TBC1D2: variants seen among roughly 807,000 people sequenced by gnomAD.
TBC1D2 encodes the protein TBC1 domain family member 2A.
A neutral mutation model predicts 91.1 loss-of-function variants in TBC1D2; 58 were observed. The ratio of observed to expected loss-of-function variants is 0.64; its 90% CI spans 0.52 to 0.79. The LOEUF (loss-of-function observed/expected upper bound fraction) is 0.79, where lower values mean the gene tolerates loss of function less well. Among genes scored for constraint, TBC1D2 ranks in the 30% least tolerant of loss-of-function variants. The probability of loss-of-function intolerance (pLI) is 0.00; values close to 1 mark genes in which losing one functional copy is unlikely to be tolerated. For synonymous variants in TBC1D2, 482 were observed against 511.5 expected, an observed-to-expected ratio of 0.94 and a Z score of 0.78; for missense variants, 1,080 against 1,208.3, an observed-to-expected ratio of 0.89 and a Z score of 1.57.
At chr9:98,253,962 T>G (rs1331094029) in intron 1 of TBC1D2, among the ~76,000 whole-genome samples, 1 of 152,216 alleles carries the variant, frequency 6.6e-6, no homozygotes, top group Non-Finnish European at 1.5e-5. Flanking sequence ...TTGAAGACCC[T>G]GCATACAGCA....
chr9:98,248,072 T>C (rs1829802699), intron 2 of TBC1D2, among the ~76,000 whole-genome samples: 1 of 152,104 alleles, frequency 6.6e-6, no homozygotes. Context: ...CTCAGAGAGG[T>C]TGAGTTTTGT....
chr9:98,245,049 G>A (rs1374446293), intron 2 of TBC1D2, among the ~76,000 whole-genome samples: 1 of 151,574 alleles, frequency 6.6e-6, no homozygotes, highest in South Asian at 2.1e-4. Context: ...GACTGTCCTG[G>A]CTAACACGGT....
rs769767410 is a variant in TBC1D2 at position 98,201,537 on chromosome 9, C to A, written c.2399G>T (p.Ser800Ile). Reference sequence around the variant, plus strand: ...CCGAAGGAGGATGTTGCTAATGAGACTGTCCGCAAAGACCACGAGGAACCA... The same window carrying A: ...CCGAAGGAGGATGTTGCTAATGAGAATGTCCGCAAAGACCACGAGGAACCA... ...FNWFLVVFAD[S>I]LISNILLRVW... The change falls in exon 11 of 13, where the codon AGT becomes ATT. Residue 800 changes from serine (S) to isoleucine (I), a missense_variant. Transcript: ENST00000465784. 1.2e-6 allele frequency: 2 copies of A among 1,614,060 alleles called. No homozygotes were observed. Among genetic ancestry groups the A allele is most frequent in the African/African-American group, 2.7e-5 (2 of 74,934 alleles).
rs548896505 is a variant in TBC1D2, at chr9:98,244,133, G to C, written c.512-4C>G. On this transcript the variant is annotated splice_region_variant and splice_polypyrimidine_tract_variant and intron_variant, in intron 2 of 12. Coordinates refer to ENST00000465784, the MANE Select transcript of TBC1D2 (RefSeq NM_001267571.2). ...TCCAGCTCTGCCTCTTCTTGCCCTG[G>C]GAACAAAGAAAAGGGAAATCCATCA... The C allele has an allele frequency of 9.9e-6, 16 of 1,612,810 alleles. No individual in the cohort carries two copies. In the South Asian group the frequency reaches 1.7e-4, roughly 17 times the overall value.
At chr9:98,221,922 G>C (rs1022418694) in intron 5 of TBC1D2, among the ~76,000 whole-genome samples, 1 of 152,080 alleles carries the variant, frequency 6.6e-6, no homozygotes, top group Non-Finnish European at 1.5e-5. Flanking sequence ...TAGAGAAGGG[G>C]TTTTGCCATG....
intron 7 of TBC1D2, among the ~76,000 whole-genome samples, chr9:98,211,800 CTTT>C (rs112631510): frequency 1.4e-5 from 2 of 144,314 alleles, no homozygotes; most frequent in African/African-American, 2.6e-5. Flanking sequence ...TCAGGGATTC[CTTT>C]TTTTTTTTTT....
chr9:98,253,540 C>T (rs1829912513), intron 1 of TBC1D2, among the ~76,000 whole-genome samples: 1 of 152,246 alleles, frequency 6.6e-6, no homozygotes, highest in South Asian at 2.1e-4. Context: ...TGCTCTTCAA[C>T]TCCATCCTTT....
At chr9:98,224,695 T>TA (rs1287269528) in intron 5 of TBC1D2, among the ~76,000 whole-genome samples, 8 of 152,234 alleles carry the variant, frequency 5.3e-5, no homozygotes. Context: ...AAATCATCTT[T>TA]AAAAAATAAT....
At chr9:98,221,804 C>T (rs1313727406) in intron 5 of TBC1D2, among the ~76,000 whole-genome samples, 1 of 152,214 alleles carries the variant, frequency 6.6e-6, no homozygotes, top group Non-Finnish European at 1.5e-5. Flanking sequence ...ACATGGCTCA[C>T]TGTAGCCTCA....
rs905738664 is a variant in TBC1D2, at chr9:98,213,089, A to G, written c.1485+19T>C. The G allele has an allele frequency of 1.2e-6, 2 of 1,613,548 alleles. No individual in the cohort carries two copies. Among genetic ancestry groups the G allele is most frequent in the Non-Finnish European group, 1.7e-6 (2 of 1,179,886 alleles). On this transcript the variant is annotated intron_variant, in intron 7 of 12. Coordinates refer to ENST00000465784, the MANE Select transcript of TBC1D2 (RefSeq NM_001267571.2). ...GGGGCCAGGGATGGAGACGGCTGGA[A>G]TAGGGCCCCACCCCGCACCTTCGTC...
At position 98,229,137 on chromosome 9, in the gene TBC1D2, C is replaced by G. The variant is rs757744298; in HGVS notation, c.793G>C (p.Glu265Gln). The G allele has an allele frequency of 3.1e-6, 5 of 1,614,220 alleles. No individual in the cohort carries two copies. The Admixed American group carries it at 8.3e-5, about 27-fold the overall frequency. ...SDASTPGREPEDSPKPAPKPS... is the reference protein window; with the variant it reads ...SDASTPGREPQDSPKPAPKPS... The stretch of plus-strand genomic sequence containing the variant: ...TTGGGTGCAGGCTTTGGAGAATCCT[C>G]TGGCTCTCTCCCTGCTCAAGAGGAG... Residue 265 changes from glutamate (E) to glutamine (Q), a missense_variant, in exon 5 of 13, where the codon GAG (glutamate) becomes CAG (glutamine). Glu to Gln is a conservative substitution (Grantham distance 29). Coordinates refer to ENST00000465784, the MANE Select transcript of TBC1D2 (RefSeq NM_001267571.2).
Position 98,251,798 on chromosome 9 carries a change from C to T in TBC1D2, c.498G>A (p.Leu166=), listed in dbSNP as rs139321093. 580 of 1,593,736 alleles carry T rather than the reference C, an allele frequency of 3.6e-4. 4 individuals carry two copies. The highest frequency in any genetic ancestry group is 1.5e-3 in the South Asian group (134 of 89,056). Residue 166 remains leucine, a synonymous_variant, in exon 2 of 13, where the codon CTG becomes CTA. Coordinates refer to ENST00000465784, the MANE Select transcript of TBC1D2 (RefSeq NM_001267571.2). ...CCCATTGGGTACCTAGCTCGAGGTG[C>T]AGGACGGGCCCATTCCCAGCCAGGG... ...DAALAGNGPV[L]HLELGQEEAE... is the part of the protein sequence containing the mutation.
At chr9:98,246,749 G>A (rs1163004714) in intron 2 of TBC1D2, among the ~76,000 whole-genome samples, 2 of 152,090 alleles carry the variant, frequency 1.3e-5, no homozygotes, top group African/African-American at 4.8e-5. Flanking sequence ...GAATCTGCAG[G>A]AGGAACCAGG....
intron 5 of TBC1D2, among the ~76,000 whole-genome samples, chr9:98,223,189 G>A (rs1181932177): frequency 6.6e-6 from 1 of 152,234 alleles, no homozygotes; most frequent in Non-Finnish European, 1.5e-5. Context: ...GGAGGTTGTG[G>A]GGAATACCAG....
chr9:98,209,756 T>TTCCTTCTTTCCTTTCCTTCCTTCC (rs369507489), intron 8 of TBC1D2, among the ~76,000 whole-genome samples: 6 of 105,478 alleles, frequency 5.7e-5, no homozygotes, highest in Non-Finnish European at 1.1e-4. Context: ...CCTTCCTTCC[T>TTCCTTCTTTCCTTTCCTTCCTTCC]TTCCTTCCTT....
intron 1 of TBC1D2, among the ~76,000 whole-genome samples, chr9:98,252,797 G>A (rs1324294812): frequency 8.5e-5 from 13 of 152,166 alleles, no homozygotes; most frequent in Non-Finnish European, 2.9e-5. Flanking sequence ...ACCGGGCGTG[G>A]ATGGGGATTC....
intron 6 of TBC1D2, 22 bp downstream of exon 6, chr9:98,220,811 G>A (rs1046929747): frequency 1.2e-6 from 2 of 1,609,294 alleles, no homozygotes; most frequent in Non-Finnish European, 1.7e-6. Context: ...AGGACTGGCA[G>A]GCCCTGAGGG....
intron 3 of TBC1D2, among the ~76,000 whole-genome samples, chr9:98,241,844 C>T (rs1829644385): frequency 6.6e-6 from 1 of 152,148 alleles, no homozygotes; most frequent in South Asian, 2.1e-4. Flanking sequence ...ACCCATCAAG[C>T]CTCTCTCTCA....
At chr9:98,235,226 A>G in intron 3 of TBC1D2, 1 of 303,888 alleles carries the variant, frequency 3.3e-6, no homozygotes, top group Non-Finnish European at 6.5e-6. Context: ...GATCTGGGAC[A>G]TAGGAGGACA....
Sources: allele counts gnomAD v4.1 joint callset (sites outside exome capture counted in the v4.1 genomes callset), GRCh38; gene constraint gnomAD v4.1.1; transcripts MANE v1.5; gene names NCBI Gene and HGNC (gene_info 2026-07-23, HGNC 2026-07-21).